The following MCTP2 variants were observed in gnomAD, a reference collection of about 807,000 sequenced individuals.
MCTP2 encodes multiple C2 and transmembrane domain-containing protein 2.
In MCTP2, 132 loss-of-function variants were observed where a neutral mutation model predicts 111.6. The ratio of observed to expected loss-of-function variants is 1.18; its 90% confidence interval spans 1.03 to 1.37. MCTP2 has a LOEUF of 1.37. MCTP2 is among the 40% of genes most tolerant of loss of function. MCTP2 has a pLI of 0.00. For missense variants in MCTP2, 1,183 were observed against 1,067.9 expected, an observed-to-expected ratio of 1.11 and a Z score of -1.50; for synonymous variants, 395 against 387.7, an observed-to-expected ratio of 1.02 and a Z score of -0.22.
intron 8 of MCTP2, among the ~76,000 whole-genome samples, chr15:94,351,171 G>A (rs1238903052): frequency 6.6e-6 from 1 of 152,106 alleles, no homozygotes; most frequent in Non-Finnish European, 1.5e-5. Context: ...ACTTTTACAT[G>A]TGGGAAATTT....
chr15:94,234,820 T>A (rs942666635), intron 1 of MCTP2, among the ~76,000 whole-genome samples: 10 of 152,190 alleles, frequency 6.6e-5, no homozygotes, highest in Non-Finnish European at 1.0e-4. Context: ...GCTGATTTCA[T>A]TGATCACAGT....
intron 14 of MCTP2, among the ~76,000 whole-genome samples, chr15:94,390,101 T>TGC (rs2080846777): frequency 1.5e-4 from 6 of 40,704 alleles, no homozygotes; most frequent in African/African-American, 3.5e-4. Flanking sequence ...TATATATATA[T>TGC]ATATATATAT....
At position 94,340,290 on chromosome 15, in the gene MCTP2, C is replaced by G; in HGVS notation, c.857+15C>G. The G allele has an allele frequency of 6.3e-7, 1 of 1,584,694 alleles. No individual in the cohort carries two copies. The highest frequency in any genetic ancestry group is 8.7e-7 in the Non-Finnish European group (1 of 1,153,620). On this transcript the variant is annotated intron_variant, in intron 6 of 22. Coordinates refer to ENST00000357742, the MANE Select transcript of MCTP2 (RefSeq NM_001385001.1). ...GAGCTTAACAGGTACCGTATTTTTA[C>G]ATTTTAATTGTTATTGATGAGTTTT...
chr15:94,288,122 C>T (rs965735117), intron 1 of MCTP2, among the ~76,000 whole-genome samples: 1 of 152,136 alleles, frequency 6.6e-6, no homozygotes. Flanking sequence ...TTTGGTAGCT[C>T]TTAGTGGTGC....
intron 17 of MCTP2, among the ~76,000 whole-genome samples, chr15:94,409,276 C>T (rs905603305): frequency 4.6e-5 from 7 of 152,148 alleles, no homozygotes; most frequent in African/African-American, 1.2e-4. Context: ...CCTTGAACAT[C>T]GGACTCCGAG....
intron 17 of MCTP2, among the ~76,000 whole-genome samples, chr15:94,404,394 C>T (rs562906600): frequency 1.6e-4 from 24 of 151,508 alleles, no homozygotes; most frequent in African/African-American, 5.1e-4. Flanking sequence ...CCCTGCCTCC[C>T]GGGTTCAAGC....
chr15:94,470,207 C>T (rs754986819), intron 20 of MCTP2, 126 bp from the exon 21 acceptor site: 24 of 680,208 alleles, frequency 3.5e-5, no homozygotes, highest in African/African-American at 5.5e-5. Flanking sequence ...AGGTTTTTAA[C>T]AAAATTTTTC....
At chr15:94,251,214 T>C (rs1044048563) in intron 1 of MCTP2, among the ~76,000 whole-genome samples, 4 of 152,198 alleles carry the variant, frequency 2.6e-5, no homozygotes, top group Non-Finnish European at 5.9e-5. Context: ...CAAATAAATA[T>C]ATCTTTTTAC....
chr15:94,379,065 TTTTTG>T (rs977395660), intron 12 of MCTP2, among the ~76,000 whole-genome samples: 13 of 151,784 alleles, frequency 8.6e-5, no homozygotes, highest in African/African-American at 3.2e-4. Flanking sequence ...AGTTTTTTGT[TTTTTG>T]TTTTTTTTTT....
chr15:94,353,275 C>A (rs945687048), intron 8 of MCTP2, among the ~76,000 whole-genome samples: 1 of 152,124 alleles, frequency 6.6e-6, no homozygotes, highest in Non-Finnish European at 1.5e-5. Context: ...TGTAATGCAG[C>A]GAGTGTCCAT....
intron 4 of MCTP2, among the ~76,000 whole-genome samples, chr15:94,337,370 C>T (rs76753332): frequency 0.025 from 3,816 of 152,206 alleles, 136 homozygotes; most frequent in African/African-American, 0.087. Context: ...CTGTGAGAAA[C>T]TGACACCACT....
At chr15:94,298,932 CCTCTCCCTCTCTCCCT>C (rs1243690813) in intron 2 of MCTP2, among the ~76,000 whole-genome samples, 1,437 of 11,316 alleles carry the variant, frequency 0.13, 263 homozygotes, top group East Asian at 0.42. Flanking sequence ...TCCCTCTTTC[CCTCTCCCTCTCTCCCT>C]CTCTCCCTCT....
At chr15:94,243,566 TAC>T (rs2071306282) in intron 1 of MCTP2, among the ~76,000 whole-genome samples, 4 of 149,142 alleles carry the variant, frequency 2.7e-5, no homozygotes, top group African/African-American at 9.9e-5. Flanking sequence ...TATGCGTATG[TAC>T]ATACATACGT....
At chr15:94,363,003 G>C (rs1222995828) in intron 10 of MCTP2, among the ~76,000 whole-genome samples, 2 of 152,134 alleles carry the variant, frequency 1.3e-5, no homozygotes, top group African/African-American at 4.8e-5. Flanking sequence ...TAGAACAATG[G>C]CATTTTAAAT....
chr15:94,246,351 C>T (rs1389961663), intron 1 of MCTP2, among the ~76,000 whole-genome samples: 1 of 152,116 alleles, frequency 6.6e-6, no homozygotes, highest in Non-Finnish European at 1.5e-5. Flanking sequence ...GTTTATTCGT[C>T]AGTGAATGAG....
chr15:94,422,985 G>C (rs914388162), intron 17 of MCTP2, among the ~76,000 whole-genome samples: 3 of 151,986 alleles, frequency 2.0e-5, no homozygotes, highest in African/African-American at 4.8e-5. Context: ...CTTGAGCCAC[G>C]ACACCTAGGC....
chr15:94,243,888 CAT>C (rs569662410), intron 1 of MCTP2, among the ~76,000 whole-genome samples: 26 of 146,246 alleles, frequency 1.8e-4, no homozygotes, highest in South Asian at 6.4e-4. Flanking sequence ...TTTATGTACA[CAT>C]ATATGTATAC....
intron 14 of MCTP2, among the ~76,000 whole-genome samples, chr15:94,398,468 T>G (rs2081389381): frequency 6.6e-6 from 1 of 152,246 alleles, no homozygotes; most frequent in African/African-American, 2.4e-5. Flanking sequence ...TACCTTGTGA[T>G]TAAACTCTGA....
rs376652720 is a variant in MCTP2 at position 94,476,778 on chromosome 15, G to C, written c.2553G>C (p.Pro851=). The part of the protein sequence containing the change: ...NELLDFLSRV[P]SDVQKVQYAE... ...TACTAGACTTCCTCTCTAGGGTACCGTCTGATGTTCAAAAGGTATGTAATG... is the reference window on the plus strand; with the variant it reads ...TACTAGACTTCCTCTCTAGGGTACCCTCTGATGTTCAAAAGGTATGTAATG... The change falls in exon 22 of 23, where the codon CCG becomes CCC. Residue 851 remains proline, a synonymous_variant. Transcript: ENST00000357742. The C allele has an allele frequency of 1.9e-5, 31 of 1,596,808 alleles. No homozygotes were observed. Among genetic ancestry groups the C allele is most frequent in the Non-Finnish European group, 2.7e-5 (31 of 1,164,574 alleles).
Sources: allele counts gnomAD v4.1 joint callset (sites outside exome capture counted in the v4.1 genomes callset), GRCh38; gene constraint gnomAD v4.1.1; transcripts MANE v1.5; gene names NCBI Gene and HGNC (gene_info 2026-07-23, HGNC 2026-07-21).